The following CDH10 variants were observed in gnomAD, a reference collection of about 807,000 sequenced individuals.
The protein encoded by CDH10 is cadherin 10.
In CDH10, 30 loss-of-function variants were observed where a neutral mutation model predicts 73.1. The ratio of observed to expected loss-of-function variants is 0.41; its 90% CI spans 0.31 to 0.56. CDH10 has a LOEUF of 0.56. Among genes scored for constraint, CDH10 ranks in the 20% least tolerant of loss-of-function variants. The pLI is 0.27. For missense variants in CDH10, 815 were observed against 973.7 expected (o/e 0.84, Z 2.17); for synonymous variants, 345 against 348.2 (o/e 0.99, Z 0.10).
rs76655681 is a variant in CDH10 at position 24,574,414 on chromosome 5, G to A, written c.231+18846C>T. Among the ~76,000 whole-genome samples the A allele has an allele frequency of 5.6e-3, 859 of 152,172 alleles. 11 individuals are homozygous for A. Among genetic ancestry groups the A allele is most frequent in the Non-Finnish European group, 6.7e-3 (458 of 68,006 alleles). On this transcript the variant is annotated intron_variant, in intron 2 of 11. Transcript: ENST00000264463. Reference sequence around the variant, plus strand: ...AACTCGCATGACATTTTACAAAAATGGATAGTTGGAAGAGGATATTGGCCA... The same window carrying A: ...AACTCGCATGACATTTTACAAAAATAGATAGTTGGAAGAGGATATTGGCCA...
intron 2 of CDH10, among the ~76,000 whole-genome samples, chr5:24,546,339 G>T (rs1330463642): frequency 6.6e-6 from 1 of 151,998 alleles, no homozygotes; most frequent in East Asian, 1.9e-4. Context: ...CAATAAAAAA[G>T]AATTAAGAAA....
chr5:24,628,763 C>T (rs1747595399), intron 1 of CDH10, among the ~76,000 whole-genome samples: 1 of 151,884 alleles, frequency 6.6e-6, no homozygotes, highest in Non-Finnish European at 1.5e-5. Context: ...ACCAATTAAA[C>T]TTCCATATTC....
chr5:24,597,531 T>A (rs1405755817), intron 1 of CDH10, among the ~76,000 whole-genome samples: 2 of 152,104 alleles, frequency 1.3e-5, no homozygotes, highest in Non-Finnish European at 2.9e-5. Flanking sequence ...TTTTCCACGT[T>A]TTTTTAACCA....
intron 10 of CDH10, 51 bp from the exon 11 acceptor site, chr5:24,491,878 C>A (rs2111642790): frequency 8.6e-7 from 1 of 1,159,690 alleles, no homozygotes; most frequent in Non-Finnish European, 1.2e-6. Context: ...TAAATTTTTC[C>A]CAATGTGATC....
At chr5:24,637,073 C>A (rs1369738294) in intron 1 of CDH10, among the ~76,000 whole-genome samples, 2 of 151,892 alleles carry the variant, frequency 1.3e-5, no homozygotes, top group African/African-American at 4.8e-5. Context: ...TTATATTAGT[C>A]ACTTTAAAAG....
chr5:24,514,312 G>A (rs145921574), intron 5 of CDH10, among the ~76,000 whole-genome samples: 139 of 152,146 alleles, frequency 9.1e-4, no homozygotes, highest in African/African-American at 3.2e-3. Context: ...TGACTGACCC[G>A]TCATAATTTA....
chr5:24,492,314 G>C (rs1223552126), intron 10 of CDH10, among the ~76,000 whole-genome samples: 1 of 152,210 alleles, frequency 6.6e-6, no homozygotes, highest in Non-Finnish European at 1.5e-5. Context: ...CAATAACAAA[G>C]TAGAAGAAGG....
chr5:24,567,214 CACTG>C (rs1419141468), intron 2 of CDH10, among the ~76,000 whole-genome samples: 1 of 151,932 alleles, frequency 6.6e-6, no homozygotes, highest in Admixed American at 6.6e-5. Flanking sequence ...TTATCTAGGA[CACTG>C]ACTAATAGGA....
intron 2 of CDH10, among the ~76,000 whole-genome samples, chr5:24,570,596 C>T (rs1423794203): frequency 6.6e-6 from 1 of 152,036 alleles, no homozygotes; most frequent in Non-Finnish European, 1.5e-5. Context: ...TTCTGATAGG[C>T]TATATCCTGC....
intron 1 of CDH10, among the ~76,000 whole-genome samples, chr5:24,614,923 T>C (rs1423490602): frequency 6.6e-6 from 1 of 152,168 alleles, no homozygotes; most frequent in Non-Finnish European, 1.5e-5. Flanking sequence ...CAGATGACGA[T>C]GTACAGGCTC....
At chr5:24,638,444 A>C (rs1747938906) in intron 1 of CDH10, among the ~76,000 whole-genome samples, 1 of 151,826 alleles carries the variant, frequency 6.6e-6, no homozygotes, top group Admixed American at 6.6e-5. Context: ...GAAAACAAAA[A>C]AAGGAAAAAG....
chr5:24,540,776 T>A (rs1421819213), intron 2 of CDH10, among the ~76,000 whole-genome samples: 1 of 151,912 alleles, frequency 6.6e-6, no homozygotes, highest in Non-Finnish European at 1.5e-5. Context: ...AAATGATCAC[T>A]AGCACTAGAA....
At chr5:24,516,910 C>G (rs1376747343) in intron 5 of CDH10, among the ~76,000 whole-genome samples, 1 of 151,826 alleles carries the variant, frequency 6.6e-6, no homozygotes, top group Non-Finnish European at 1.5e-5. Flanking sequence ...AAATACATAA[C>G]TCTTGCTTCA....
intron 2 of CDH10, 40 bp downstream of exon 2, chr5:24,593,220 A>G: frequency 1.8e-6 from 2 of 1,109,848 alleles, no homozygotes; most frequent in South Asian, 2.6e-5. Context: ...AAATATATAA[A>G]GAGCAAATAT....
intron 8 of CDH10, among the ~76,000 whole-genome samples, chr5:24,503,753 C>A (rs927089151): frequency 1.3e-4 from 20 of 152,208 alleles, no homozygotes; most frequent in Non-Finnish European, 2.5e-4. Flanking sequence ...AGCCTTAGTA[C>A]CTTCTCTGTT....
chr5:24,549,446 C>G (rs1433492001), intron 2 of CDH10, among the ~76,000 whole-genome samples: 3 of 151,648 alleles, frequency 2.0e-5, no homozygotes, highest in Non-Finnish European at 2.9e-5. Context: ...ATAGAGAAAA[C>G]TATGAAAGTA....
chr5:24,502,169 G>A (rs150822991), intron 8 of CDH10, among the ~76,000 whole-genome samples: 7 of 152,140 alleles, frequency 4.6e-5, no homozygotes, highest in South Asian at 2.1e-4. Context: ...TGATCCGCCC[G>A]CCTTGGCCTC....
In CDH10 at chr5:24,505,228, G is replaced by A. The variant is rs2111727646; in HGVS notation, c.1277C>T (p.Thr426Ile). 6.2e-7 allele frequency: 1 copy of A among 1,613,004 alleles called. No individual in the cohort carries two copies. The highest frequency in any genetic ancestry group is 8.5e-7 in the Non-Finnish European group (1 of 1,179,230). Residue 426 changes from threonine (T) to isoleucine (I), a missense_variant, in exon 8 of 12, where the codon ACT (threonine) becomes ATT (isoleucine). By Grantham distance (89) the Thr-to-Ile change is moderately conservative. Transcript: ENST00000264463. ...SPIRFSLDRH[T>I]DLDRIFNIHS... Reference sequence around the variant, plus strand: ...AATGTTAAAGATTCTGTCAAGGTCAGTATGGCGATCCAAGGAAAATCTGAA... The same window carrying A: ...AATGTTAAAGATTCTGTCAAGGTCAATATGGCGATCCAAGGAAAATCTGAA...
chr5:24,502,064 T>C (rs956638259), intron 8 of CDH10, among the ~76,000 whole-genome samples: 108 of 150,492 alleles, frequency 7.2e-4, no homozygotes, highest in Admixed American at 2.0e-3. Flanking sequence ...GGACTACAGG[T>C]GCCCGCCACT....
Sources: allele counts gnomAD v4.1 joint callset (sites outside exome capture counted in the v4.1 genomes callset), GRCh38; gene constraint gnomAD v4.1.1; transcripts MANE v1.5; gene names NCBI Gene and HGNC (gene_info 2026-07-23, HGNC 2026-07-21).